Variants in CDON observed in about 807,000 individuals in gnomAD.
CDON encodes the protein cell adhesion associated, oncogene regulated, also known as cell adhesion molecule-related/down-regulated by oncogenes.
Under a neutral mutation model 120.9 loss-of-function variants are expected in CDON, and 73 were observed. The ratio of observed to expected loss-of-function variants is 0.60; its 90% CI spans 0.50 to 0.73. The LOEUF is 0.73. Among genes scored for constraint, CDON ranks in the 30% least tolerant of loss-of-function variants. The pLI is 0.00. For synonymous variants in CDON, 566 were observed against 573.5 expected, an observed-to-expected ratio of 0.99 and a Z score of 0.19; for missense variants, 1,470 against 1,587.3, an observed-to-expected ratio of 0.93 and a Z score of 1.26.
rs146413034 is a variant in CDON, at chr11:125,989,647, G to A, written c.2763C>T (p.Cys921=). The A allele has an allele frequency of 4.8e-5, 77 of 1,612,532 alleles. No individual in the cohort carries two copies. Among genetic ancestry groups the A allele is most frequent in the Non-Finnish European group, 6.1e-5 (72 of 1,179,048 alleles). ...GESEFSNVMI[C]ETKVKRVPGA... is the part of the protein sequence containing the mutation. ...CAAAAATTCTCCTACCTTTAGTCTC[G>A]CAGATCATCACATTGCTAAATTCAC... The change falls in exon 15 of 20, where the codon TGC becomes TGT. Residue 921 remains cysteine (C), a synonymous_variant. Transcript: ENST00000531738.
intron 1 of CDON, among the ~76,000 whole-genome samples, chr11:126,048,105 C>T (rs1021082354): frequency 1.3e-5 from 2 of 151,862 alleles, no homozygotes; most frequent in Non-Finnish European, 2.9e-5. Flanking sequence ...GGAGAAACCT[C>T]GTCTTTACTA....
At chr11:126,050,566 C>T (rs1409118419) in intron 1 of CDON, among the ~76,000 whole-genome samples, 2 of 150,408 alleles carry the variant, frequency 1.3e-5, no homozygotes, top group Non-Finnish European at 3.0e-5. Flanking sequence ...CTCCAAAATA[C>T]AAAGGGCTCT....
chr11:126,049,045 A>G (rs1235313896), intron 1 of CDON, among the ~76,000 whole-genome samples: 1 of 152,200 alleles, frequency 6.6e-6, no homozygotes, highest in Non-Finnish European at 1.5e-5. Context: ...TTAATTCTTT[A>G]AAAGCCAAGT....
At chr11:126,010,865 A>G in intron 7 of CDON, 171 bp from the exon 8 acceptor site, 1 of 676,326 alleles carries the variant, frequency 1.5e-6, no homozygotes, top group East Asian at 2.9e-5. Context: ...AATAAATGGT[A>G]GAGTTGTTTC....
chr11:126,044,538 AATGGAAT>A (rs1256432832), intron 1 of CDON, among the ~76,000 whole-genome samples: 1 of 152,258 alleles, frequency 6.6e-6, no homozygotes, highest in African/African-American at 2.4e-5. Flanking sequence ...ATATACACAA[AATGGAAT>A]ACTATTCAGC....
chr11:125,970,218 A>G (rs1945936777), intron 18 of CDON, among the ~76,000 whole-genome samples: 1 of 133,600 alleles, frequency 7.5e-6, no homozygotes, highest in Non-Finnish European at 1.5e-5. Flanking sequence ...CTCTGTCGCC[A>G]GGCTGGAGTG....
At chr11:126,015,662 A>G (rs1947444950) in intron 6 of CDON, 152 bp from the exon 7 acceptor site, 1 of 811,964 alleles carries the variant, frequency 1.2e-6, no homozygotes, top group Admixed American at 2.3e-5. Context: ...GGTAATCAAG[A>G]AAAAAATTAG....
At chr11:126,026,465 G>T (rs1377017309) in intron 1 of CDON, among the ~76,000 whole-genome samples, 2 of 152,174 alleles carry the variant, frequency 1.3e-5, no homozygotes, top group African/African-American at 4.8e-5. Flanking sequence ...GCAAAGAAAG[G>T]TTAATGCTAA....
chr11:126,054,070 A>C (rs191890058), intron 1 of CDON, among the ~76,000 whole-genome samples: 59 of 152,336 alleles, frequency 3.9e-4, no homozygotes, highest in African/African-American at 1.3e-3. Context: ...TTATCCATTA[A>C]ACATTCGTTC....
rs757354383 is a variant in CDON at position 125,961,031 on chromosome 11, CGG to C, written c.3704_3705del (p.Pro1235ArgfsTer5). On this transcript the variant is annotated frameshift_variant, in exon 20 of 20. Coordinates refer to ENST00000531738, the MANE Select transcript of CDON (RefSeq NM_001378964.1). LOFTEE classifies it high-confidence loss of function. ...CACATTGTCTTCTCAGCACAGCCCT[CGG>C]GGACAGGTGGCAAAATAAGAGCATT... ...SWNALILPPV[P>X]EGCAEKTMWS... 6.2e-7 allele frequency: 1 copy of C among 1,613,990 alleles called. No homozygotes were observed. The highest frequency in any genetic ancestry group is 8.5e-7 in the Non-Finnish European group (1 of 1,179,918).
At chr11:125,997,055 T>C (rs180945743) in intron 12 of CDON, 152 bp downstream of exon 12, 13 of 689,606 alleles carry the variant, frequency 1.9e-5, no homozygotes, top group Non-Finnish European at 2.6e-5. Context: ...TGAGTGCCTG[T>C]AGTCTCAGCT....
chr11:126,019,135 AG>A (rs1275550912), intron 4 of CDON, among the ~76,000 whole-genome samples: 1 of 152,140 alleles, frequency 6.6e-6, no homozygotes, highest in Non-Finnish European at 1.5e-5. Context: ...ATACATATTA[AG>A]GGGCTACTTT....
At chr11:126,042,437 A>C (rs753480593) in intron 1 of CDON, among the ~76,000 whole-genome samples, 13 of 152,166 alleles carry the variant, frequency 8.5e-5, no homozygotes, top group Non-Finnish European at 1.6e-4. Context: ...TGATAATCTA[A>C]TCCACCCCAG....
Position 126,010,531 on chromosome 11 carries a change from T to C in CDON, c.1362A>G (p.Arg454=). The C allele has an allele frequency of 1.2e-6, 2 of 1,614,134 alleles. No homozygotes were observed. Among genetic ancestry groups the C allele is most frequent in the East Asian group, 2.2e-5 (1 of 44,882 alleles). ...LITSHPSQVL[R]SKSRKSQLSR... ...ATAACTGTGATTTTCGGGATTTCGA[T>C]CTCAGGACTTGAGATGGATGGCTGG... Residue 454 remains arginine (R), a synonymous_variant, in exon 8 of 20, where the codon AGA becomes AGG. Transcript: ENST00000531738.
At chr11:125,997,687 A>C (rs1259256166) in intron 11 of CDON, among the ~76,000 whole-genome samples, 1 of 152,232 alleles carries the variant, frequency 6.6e-6, no homozygotes. Flanking sequence ...TGCTATTCAG[A>C]TTCATGGCTG....
chr11:126,018,496 T>A (rs1298720174), intron 4 of CDON, 23 bp from the exon 5 acceptor site: 1 of 1,610,070 alleles, frequency 6.2e-7, no homozygotes, highest in South Asian at 1.1e-5. Flanking sequence ...GGGAGTGCAG[T>A]TAGGCCTCTC....
At chr11:125,989,366 T>C (rs1565508024) in intron 15 of CDON, among the ~76,000 whole-genome samples, 1 of 152,134 alleles carries the variant, frequency 6.6e-6, no homozygotes, top group Non-Finnish European at 1.5e-5. Flanking sequence ...TGAAACCCCA[T>C]CTCTACTAAA....
At chr11:126,047,751 C>T (rs1239046468) in intron 1 of CDON, among the ~76,000 whole-genome samples, 3 of 152,274 alleles carry the variant, frequency 2.0e-5, no homozygotes, top group African/African-American at 7.2e-5. Flanking sequence ...GCTTTGACTC[C>T]AGGCTCTCTG....
rs575432737 is a variant in CDON at position 125,998,655 on chromosome 11, T to C, written c.2159-1245A>G. Among the ~76,000 whole-genome samples, 53 of 152,374 alleles carry C rather than the reference T, an allele frequency of 3.5e-4. 2 individuals are homozygous for C. In the South Asian group the frequency reaches 0.01, roughly 30 times the overall value. On this transcript the variant is annotated intron_variant, in intron 11 of 19. Transcript: ENST00000531738. ...GCTAACACAACAAGCAATCTTGTGG[T>C]TGTAACTGGCTTCCCACTTGGTTCC...
Sources: gnomAD v4.1 joint callset for allele counts (sites outside exome capture counted in the v4.1 genomes callset) on GRCh38, gnomAD v4.1.1 for gene constraint, MANE v1.5 for transcripts, NCBI Gene and HGNC (gene_info 2026-07-23, HGNC 2026-07-21) for gene names.